ATP8B3: variants seen among roughly 807,000 people sequenced by gnomAD.
ATP8B3 encodes the protein phospholipid-transporting ATPase IK.
A neutral mutation model predicts 140.9 loss-of-function variants in ATP8B3; 141 were observed. The ratio of observed to expected loss-of-function variants is 1.00; its 90% CI spans 0.87 to 1.15. ATP8B3 has a LOEUF of 1.15. Among genes scored for constraint, ATP8B3 ranks in the 50% most tolerant of loss-of-function variants. ATP8B3 has a pLI of 0.00. For synonymous variants in ATP8B3, 765 were observed against 714.6 expected (o/e 1.07, Z -1.13); for missense variants, 1,874 against 1,740.6 (o/e 1.08, Z -1.36).
chr19:1,801,523 G>A lies in ATP8B3; in HGVS notation c.1152+433C>T, dbSNP rs894147099. On this transcript the variant is annotated intron_variant, in intron 12 of 28. Transcript: ENST00000310127. The stretch of plus-strand genomic sequence containing the variant: ...CCTAGCACTTTGGGAGGCTGAGGAG[G>A]GCGGATTGCTTGAGCTCAGGAGTTC... Among the ~76,000 whole-genome samples, 3 of 152,194 alleles carry A rather than the reference G, an allele frequency of 2.0e-5. 1 individual carries two copies. Among genetic ancestry groups the A allele is most frequent in the Admixed American group, 1.3e-4 (2 of 15,272 alleles).
Position 1,789,946 on chromosome 19 carries a change from T to G in ATP8B3, c.2422A>C (p.Thr808Pro). 1 of 1,612,056 alleles carries G rather than the reference T, an allele frequency of 6.2e-7. No individual in the cohort carries two copies. The highest frequency in any genetic ancestry group is 8.5e-7 in the Non-Finnish European group (1 of 1,179,544). Residue 808 changes from threonine (T) to proline (P), a missense_variant, in exon 22 of 29, where the codon ACC becomes CCC. By Grantham distance (38) the Thr-to-Pro change is conservative. This residue lies in a region of ATP8B3 where 840 missense variants were observed against 760.9 expected (regional missense o/e 1.10). Transcript: ENST00000310127. ...TTGACCTGCGACAGGGACTCCCTGG[T>G]TAGAAGGTTGTTACTGTTTTCCCAG... ...TYWENSNNLLTRESLSQVKLA... is the reference protein window; with the variant it reads ...TYWENSNNLLPRESLSQVKLA...
chr19:1,806,745 A>G lies in ATP8B3; in HGVS notation c.616-56T>C. The G allele has an allele frequency of 6.5e-7, 1 of 1,536,518 alleles. No individual in the cohort carries two copies. Among genetic ancestry groups the G allele is most frequent in the South Asian group, 1.2e-5 (1 of 83,734 alleles). On this transcript the variant is annotated intron_variant, in intron 6 of 28. Coordinates refer to ENST00000310127, the MANE Select transcript of ATP8B3 (RefSeq NM_138813.4). The surrounding 1 kb of genome is among the most constrained non-coding windows in gnomAD (Gnocchi z 5.6). ...CGTCCAGCCTCTCCTGCCCCCGCCCAGGCCGCTGCCGCACTGCAGCCCAGC... is the reference window on the plus strand; with the variant it reads ...CGTCCAGCCTCTCCTGCCCCCGCCCGGGCCGCTGCCGCACTGCAGCCCAGC...
At chr19:1,801,822 T>A in intron 12 of ATP8B3, 134 bp downstream of exon 12, 1 of 444,578 alleles carries the variant, frequency 2.2e-6, no homozygotes, top group East Asian at 3.5e-5. Context: ...ATGAAAAATT[T>A]TCTGGCCCAA....
intron 25 of ATP8B3, 125 bp downstream of exon 25, chr19:1,786,978 C>T: frequency 1.2e-6 from 1 of 842,206 alleles, no homozygotes; most frequent in South Asian, 1.7e-5. Context: ...CTGGACTGCA[C>T]CCCCTGAGCC....
intron 14 of ATP8B3, 55 bp from the exon 15 acceptor site, chr19:1,797,060 C>G: frequency 6.2e-7 from 1 of 1,610,918 alleles, no homozygotes. Context: ...CATTCGGGAT[C>G]CCATAGCCCC....
chr19:1,782,361 C>T lies in ATP8B3; in HGVS notation c.*667G>A, dbSNP rs888054863. The T allele has an allele frequency of 3.7e-5, 10 of 271,120 alleles. No individual in the cohort carries two copies. 16.8% of individuals were successfully genotyped at this position (271,120 alleles called of 1,614,324 possible). On this transcript the variant is annotated 3_prime_UTR_variant, in exon 29 of 29. Transcript: ENST00000310127. ...TCCTCTGGGGGCAAGGATAGCTGCT[C>T]CTCCCCGGGCACCAGCAGCCACTCC...
chr19:1,784,763 C>T, intron 28 of ATP8B3, 56 bp downstream of exon 28: 1 of 1,529,286 alleles, frequency 6.5e-7, no homozygotes, highest in Non-Finnish European at 8.8e-7. Flanking sequence ...GCACGGCTCC[C>T]CAACCAGGGT....
In ATP8B3 at chr19:1,796,795, C is replaced by A. The variant is rs374784814; in HGVS notation, c.1669G>T (p.Gly557Trp). The change falls in exon 16 of 29, where the codon GGG (glycine) becomes TGG (tryptophan). Residue 557 changes from glycine to tryptophan, a missense_variant. Gly to Trp is a radical substitution (Grantham distance 184). This residue lies in a region of ATP8B3 where 1,032 missense variants were observed against 963.6 expected (regional missense o/e 1.07). Coordinates refer to ENST00000310127, the MANE Select transcript of ATP8B3 (RefSeq NM_138813.4). ...AALLHLVRTN[G>W]DEAVREFWRL... Reference sequence around the variant, plus strand: ...CAGAACTCCCGCACGGCCTCGTCCCCGTTGGTCCGCACGAGGTGCAGCAGG... The same window carrying A: ...CAGAACTCCCGCACGGCCTCGTCCCAGTTGGTCCGCACGAGGTGCAGCAGG... The A allele has an allele frequency of 1.2e-6, 2 of 1,612,398 alleles. No individual in the cohort carries two copies. Among genetic ancestry groups the A allele is most frequent in the Non-Finnish European group, 8.5e-7 (1 of 1,179,626 alleles).
chr19:1,810,550 C>T, intron 3 of ATP8B3, 72 bp downstream of exon 3: 1 of 1,466,692 alleles, frequency 6.8e-7, no homozygotes, highest in Non-Finnish European at 9.2e-7. Flanking sequence ...AGGGGAGAGC[C>T]ACCACGCCTG....
chr19:1,804,376 G>A (rs1027694939), intron 10 of ATP8B3, among the ~76,000 whole-genome samples: 3 of 152,312 alleles, frequency 2.0e-5, no homozygotes, highest in East Asian at 1.9e-4. Context: ...TTGGGAAGCC[G>A]AGGCAGGTGG....
Position 1,806,223 on chromosome 19 carries a change from C to A in ATP8B3, c.678-54G>T, listed in dbSNP as rs557853688. 7.1e-6 allele frequency: 11 copies of A among 1,548,726 alleles called. No homozygotes were observed. In the South Asian group the frequency reaches 1.3e-4, roughly 18 times the overall value. ...CCCCTCCCTCTGCCAACCCTCCCCA[C>A]ACCGGGAGACCAGAGGCACGGGATG... On this transcript the variant is annotated intron_variant, in intron 7 of 28. Transcript: ENST00000310127. The surrounding 1 kb of genome is among the most constrained non-coding windows in gnomAD (Gnocchi z 5.6).
At chr19:1,791,976 G>C in intron 19 of ATP8B3, 25 bp downstream of exon 19, 2 of 1,551,622 alleles carry the variant, frequency 1.3e-6, no homozygotes, top group Admixed American at 3.9e-5. Flanking sequence ...CCCACCCTGA[G>C]GTCCTGCTCC....
intron 11 of ATP8B3, 151 bp downstream of exon 11, chr19:1,802,336 C>T (rs2068878358): frequency 9.1e-6 from 4 of 441,080 alleles, no homozygotes; most frequent in African/African-American, 4.0e-5. Flanking sequence ...CATCCATCCA[C>T]CCACCCATCT....
At chr19:1,795,852 C>G in intron 18 of ATP8B3, 23 bp downstream of exon 18, 1 of 1,418,062 alleles carries the variant, frequency 7.1e-7, no homozygotes, top group Non-Finnish European at 9.9e-7. Flanking sequence ...CACACATAAG[C>G]CAGCCTTCCT....
At position 1,796,186 on chromosome 19, in the gene ATP8B3, C is replaced by G. The variant is rs761041976; in HGVS notation, c.1833G>C (p.Leu611=). 3.7e-6 allele frequency: 6 copies of G among 1,612,894 alleles called. No homozygotes were observed. The highest frequency in any genetic ancestry group is 5.1e-6 in the Non-Finnish European group (6 of 1,179,868). Residue 611 remains leucine, a synonymous_variant, in exon 17 of 29, where the codon CTG becomes CTC. Transcript: ENST00000310127. ...TAARNFGYVF[L]SRTQDTVTIM... ...TCGTGACGGTGTCCTGGGTGCGGGA[C>G]AGGAACACGTAGCCGAAGTTCCGGG...
In ATP8B3 at chr19:1,784,863, C is replaced by T. The variant is rs2145167722; in HGVS notation, c.3616G>A (p.Ala1206Thr). The T allele has an allele frequency of 1.2e-6, 2 of 1,612,048 alleles. No homozygotes were observed. Among genetic ancestry groups the T allele is most frequent in the East Asian group, 4.5e-5 (2 of 44,850 alleles). Residue 1206 changes from alanine (A) to threonine (T), a missense_variant, in exon 28 of 29, where the codon GCC becomes ACC. Around this residue, in one of 3 missense-constraint regions of ATP8B3, gnomAD observed 840 missense variants for 760.9 expected, o/e 1.10. Coordinates refer to ENST00000310127, the MANE Select transcript of ATP8B3 (RefSeq NM_138813.4). ...SVSINTFPVL[A>T]LRVIFPALKE... is the part of the protein sequence containing the mutation. ...AGGGCTGGGAAGATGACTCGGAGGG[C>T]CAGGACAGGGAAGGTGTTTATGGAC... is the stretch of plus-strand genomic sequence containing the variant.
At chr19:1,791,952 G>GGCC in intron 19 of ATP8B3, 49 bp downstream of exon 19, 27 of 1,208,204 alleles carry the variant, frequency 2.2e-5, no homozygotes, top group Non-Finnish European at 2.9e-5. Context: ...CCCCTTGGGT[G>GGCC]CCCCCGCTGC....
At chr19:1,785,745 G>C in intron 25 of ATP8B3, 37 bp from the exon 26 acceptor site, 3 of 1,071,240 alleles carry the variant, frequency 2.8e-6, no homozygotes, top group Non-Finnish European at 4.0e-6. Flanking sequence ...TTGGGTGGGG[G>C]GCGGGGGACA....
chr19:1,785,115 C>T, intron 27 of ATP8B3, 44 bp downstream of exon 27: 4 of 1,507,664 alleles, frequency 2.7e-6, no homozygotes, highest in Non-Finnish European at 3.6e-6. Flanking sequence ...ATCGGGGCTC[C>T]CCTGCACCAC....
Sources: gnomAD v4.1 joint callset for allele counts (sites outside exome capture counted in the v4.1 genomes callset) on GRCh38, gnomAD v4.1.1 for gene constraint, gnomAD v4.1.1 regional missense constraint, Gnocchi (gnomAD v3.1) non-coding constraint, MANE v1.5 for transcripts, NCBI Gene and HGNC (gene_info 2026-07-23, HGNC 2026-07-21) for gene names.